ACTR3C: variants seen among roughly 807,000 people sequenced by gnomAD.
ACTR3C encodes actin related protein 3C.
In ACTR3C, 18 loss-of-function variants were observed where a neutral mutation model predicts 26.3. The observed-to-expected ratio is 0.68, with a 90% CI of 0.47 to 1.01. The LOEUF (loss-of-function observed/expected upper bound fraction) is 1.01, where lower values mean the gene tolerates loss of function less well. ACTR3C is among the 50% of genes least tolerant of loss of function. The probability of loss-of-function intolerance (pLI) is 0.00; values close to 1 mark genes in which losing one functional copy is unlikely to be tolerated. For synonymous variants in ACTR3C, 55 were observed against 94.5 expected (o/e 0.58, Z 2.42); for missense variants, 184 against 250.7 (o/e 0.73, Z 1.80).
the ACTR3C span, among the ~76,000 whole-genome samples, chr7:149,987,565 A>T: frequency 2.3e-5 from 3 of 128,446 alleles, no homozygotes; most frequent in African/African-American, 5.1e-5. Flanking sequence ...AGACTGTCTC[A>T]AAAAAGAAAA....
the ACTR3C span, among the ~76,000 whole-genome samples, chr7:149,946,283 C>T: frequency 0.11 from 16,975 of 152,200 alleles, 3,186 homozygotes; most frequent in African/African-American, 0.39. Flanking sequence ...TCTTCTCCCT[C>T]GTGCTGAGAC....
At chr7:150,098,084 A>G in the ACTR3C span, among the ~76,000 whole-genome samples, 1 of 151,178 alleles carries the variant, frequency 6.6e-6, no homozygotes, top group Non-Finnish European at 1.5e-5. Context: ...CCCATATTCC[A>G]TCTCCTATCT....
rs1836383632 is a variant in ACTR3C at position 150,292,825 on chromosome 7, A to G, written c.153+487T>C. On this transcript the variant is annotated intron_variant, in intron 3 of 7. Transcript: ENST00000683684. ...AAATAAATTTTTAAAACAAAAAGCA[A>G]TTTTTCCAAGCTTGAGCTGGTTGCC... 2.0e-5 allele frequency among the ~76,000 whole-genome samples: 3 copies of G among 151,848 alleles called. No homozygotes were observed. The South Asian group carries it at 6.3e-4, about 32-fold the overall frequency.
chr7:150,058,085 T>C, the ACTR3C span, among the ~76,000 whole-genome samples: 1 of 152,210 alleles, frequency 6.6e-6, no homozygotes, highest in South Asian at 2.1e-4. Context: ...TTCCCTTCAT[T>C]GTATTGGTCA....
the ACTR3C span, among the ~76,000 whole-genome samples, chr7:150,137,035 A>G: frequency 2.0e-5 from 3 of 152,218 alleles, no homozygotes; most frequent in Admixed American, 6.5e-5. Flanking sequence ...TCCCACTCCT[A>G]TGAGAATCGA....
At chr7:149,928,202 C>T in the ACTR3C span, among the ~76,000 whole-genome samples, 3 of 137,996 alleles carry the variant, frequency 2.2e-5, no homozygotes, top group Admixed American at 7.3e-5. Flanking sequence ...TTTTTCTTTT[C>T]TTTTTTTTTT....
chr7:150,189,076 G>A, the ACTR3C span, among the ~76,000 whole-genome samples: 1 of 151,172 alleles, frequency 6.6e-6, no homozygotes, highest in African/African-American at 2.5e-5. Flanking sequence ...CTCTTTATAT[G>A]TAGATTCTTT....
downstream of ACTR3C, among the ~76,000 whole-genome samples, chr7:150,242,029 A>G (rs1177469979): frequency 1.3e-5 from 2 of 152,156 alleles, no homozygotes; most frequent in African/African-American, 4.8e-5. Flanking sequence ...CAGCCTGACC[A>G]ACATGGTGAA....
chr7:149,965,215 A>G, the ACTR3C span, among the ~76,000 whole-genome samples: 1 of 141,688 alleles, frequency 7.1e-6, no homozygotes, highest in Non-Finnish European at 1.5e-5. Flanking sequence ...CCTTTTCCAG[A>G]TATTTTTTCC....
At chr7:149,976,548 T>A in the ACTR3C span, among the ~76,000 whole-genome samples, 1 of 133,866 alleles carries the variant, frequency 7.5e-6, no homozygotes, top group Non-Finnish European at 1.5e-5. Context: ...CACTCCAGCC[T>A]GGGCGACAGA....
the ACTR3C span, among the ~76,000 whole-genome samples, chr7:150,179,392 T>A: frequency 3.1e-5 from 4 of 130,048 alleles, no homozygotes; most frequent in African/African-American, 1.3e-4. Context: ...TCAGTTAAGA[T>A]CCTTCCAGAA....
chr7:150,143,821 C>T, the ACTR3C span, among the ~76,000 whole-genome samples: 31 of 152,356 alleles, frequency 2.0e-4, no homozygotes, highest in South Asian at 1.5e-3. Flanking sequence ...GCTTGCACCC[C>T]TGACTCCCAT....
chr7:150,197,370 A>T, the ACTR3C span, among the ~76,000 whole-genome samples: 1 of 152,150 alleles, frequency 6.6e-6, no homozygotes, highest in African/African-American at 2.4e-5. Context: ...TTGACGTCTG[A>T]CTTGATCTGA....
chr7:150,047,140 T>A, the ACTR3C span, among the ~76,000 whole-genome samples: 5 of 148,470 alleles, frequency 3.4e-5, no homozygotes, highest in South Asian at 8.6e-4. Flanking sequence ...ACAGAGTGAG[T>A]AGGAGAGGAG....
At chr7:149,960,802 C>T in the ACTR3C span, among the ~76,000 whole-genome samples, 12 of 152,204 alleles carry the variant, frequency 7.9e-5, no homozygotes, top group African/African-American at 2.9e-4. Context: ...AAAGCAACAT[C>T]TTCCAGAGTT....
the ACTR3C span, among the ~76,000 whole-genome samples, chr7:150,226,330 CTCCTA>C: frequency 6.6e-6 from 1 of 152,190 alleles, no homozygotes; most frequent in African/African-American, 2.4e-5. Context: ...TGAGTGATTG[CTCCTA>C]TTGCTCTGCT....
At chr7:149,987,578 T>G in the ACTR3C span, among the ~76,000 whole-genome samples, 30,694 of 93,270 alleles carry the variant, frequency 0.33, 6,618 homozygotes, top group Middle Eastern at 0.51. Context: ...AAAGAAAAAA[T>G]AAAAAATAAA....
chr7:150,174,384 G>T, the ACTR3C span, among the ~76,000 whole-genome samples: 1 of 138,380 alleles, frequency 7.2e-6, no homozygotes, highest in Non-Finnish European at 1.5e-5. Context: ...ATTATCATAA[G>T]AATAGCATGG....
the ACTR3C span, among the ~76,000 whole-genome samples, chr7:150,068,285 TA>T: frequency 4.6e-5 from 7 of 152,154 alleles, no homozygotes; most frequent in Non-Finnish European, 1.0e-4. Context: ...GCTACCTCTC[TA>T]AGCTAATTTC....
Sources: allele counts gnomAD v4.1 joint callset (sites outside exome capture counted in the v4.1 genomes callset), GRCh38; gene constraint gnomAD v4.1.1; transcripts MANE v1.5; gene names NCBI Gene and HGNC (gene_info 2026-07-23, HGNC 2026-07-21).